The following GRAMD1A variants were observed in gnomAD, a reference collection of about 807,000 sequenced individuals.
GRAMD1A encodes GRAM domain containing 1A, also known as protein Aster-A.
Under a neutral mutation model 92.0 loss-of-function variants are expected in GRAMD1A, and 50 were observed. The observed-to-expected ratio is 0.54, with a 90% CI of 0.43 to 0.69. The LOEUF (loss-of-function observed/expected upper bound fraction) is 0.69, where lower values mean the gene tolerates loss of function less well. Among genes scored for constraint, GRAMD1A ranks in the 30% least tolerant of loss-of-function variants. The pLI is 0.00. For synonymous variants in GRAMD1A, 405 were observed against 403.6 expected (o/e 1.00, Z -0.04); for missense variants, 819 against 978.9 (o/e 0.84, Z 2.18).
chr19:35,023,583 G>A (rs747979434), intron 19 of GRAMD1A, 36 bp downstream of exon 19: 84 of 1,536,216 alleles, frequency 5.5e-5, no homozygotes, highest in East Asian at 9.3e-5. Flanking sequence ...TCGGGGCTGC[G>A]GGGCTGCAGG....
intron 13 of GRAMD1A, among the ~76,000 whole-genome samples, chr19:35,020,281 G>A (rs928819649): frequency 6.6e-6 from 1 of 152,192 alleles, no homozygotes; most frequent in Non-Finnish European, 1.5e-5. Flanking sequence ...GCTTACGCCT[G>A]TAATCCCAGC....
At position 35,025,080 on chromosome 19, in the gene GRAMD1A, C is replaced by T. The variant is rs142377338; in HGVS notation, c.2083-969C>T. ...CTGGGATTGCAGGTGTGATCCACCA[C>T]GCCTGGCCCTGAGTTAAATTTTTAT... On this transcript the variant is annotated intron_variant, in intron 19 of 19. Coordinates refer to ENST00000317991, the MANE Select transcript of GRAMD1A (RefSeq NM_020895.5). 956 of 152,258 alleles carry T rather than the reference C, an allele frequency of 6.3e-3. 6 individuals carry two copies. Among genetic ancestry groups the T allele is most frequent in the Non-Finnish European group, 8.6e-3 (582 of 68,050 alleles). The allele number at this position is 152,258 out of a possible 1,614,324, so 9.4% of individuals were successfully genotyped here. A position where few individuals can be genotyped will look rare whatever the true frequency, so the allele number is the denominator to read the frequency against.
chr19:35,024,649 T>A (rs2016310928), intron 19 of GRAMD1A, among the ~76,000 whole-genome samples: 1 of 151,428 alleles, frequency 6.6e-6, no homozygotes, highest in African/African-American at 2.5e-5. Flanking sequence ...GGCTCATCTT[T>A]AGGGGTCTCA....
At chr19:35,006,215 C>T (rs573884651) in intron 1 of GRAMD1A, among the ~76,000 whole-genome samples, 2 of 152,144 alleles carry the variant, frequency 1.3e-5, no homozygotes, top group East Asian at 1.9e-4. Context: ...CCAGCTACTG[C>T]GGAGGCTGAG....
intron 3 of GRAMD1A, chr19:35,009,663 G>T: frequency 3.1e-6 from 2 of 642,054 alleles, no homozygotes; most frequent in Admixed American, 5.2e-5. Context: ...ACCTTACAAG[G>T]CTGAAGGGAA....
intron 1 of GRAMD1A, among the ~76,000 whole-genome samples, chr19:35,002,005 T>G (rs1239426882): frequency 6.6e-6 from 1 of 152,172 alleles, no homozygotes; most frequent in Non-Finnish European, 1.5e-5. Context: ...TTAATTTGAT[T>G]CCATCTTTGT....
At chr19:35,025,954 C>T in intron 19 of GRAMD1A, 95 bp from the exon 20 acceptor site, 1 of 748,252 alleles carries the variant, frequency 1.3e-6, no homozygotes, top group South Asian at 1.4e-5. Context: ...GGCCTCTAGA[C>T]CGTCCTCAGT....
In GRAMD1A at chr19:35,004,270, G is replaced by A. The variant is rs151171745; in HGVS notation, c.8+3784G>A. Among the ~76,000 whole-genome samples, 35 of 152,128 alleles carry A rather than the reference G, an allele frequency of 2.3e-4. No individual in the cohort carries two copies. In the East Asian group the frequency reaches 6.8e-3, roughly 29 times the overall value. On this transcript the variant is annotated intron_variant, in intron 1 of 19. Transcript: ENST00000317991. ...ACTGTACTGCAGCCTGGGTGACAGA[G>A]TGTGACCGTGTCTCTAAAAAAAATT...
upstream of GRAMD1A, chr19:34,996,200 TCCAGTGATGGGGAGTCC>T: frequency 1.3e-6 from 2 of 1,535,478 alleles, no homozygotes; most frequent in South Asian, 2.4e-5. Context: ...CATAACGCCA[TCCAGTGATGGGGAGTCC>T]CCCGCCTGCA....
chr19:35,023,991 C>G (rs1456964000), intron 19 of GRAMD1A, among the ~76,000 whole-genome samples: 1 of 152,224 alleles, frequency 6.6e-6, no homozygotes, highest in Non-Finnish European at 1.5e-5. Context: ...TGTGGTCCCT[C>G]TACCCGCTAC....
chr19:35,009,152 C>G lies in GRAMD1A; in HGVS notation c.42C>G (p.Ser14Arg). 1 of 1,613,786 alleles carries G rather than the reference C, an allele frequency of 6.2e-7. No individual in the cohort carries two copies. Among genetic ancestry groups the G allele is most frequent in the South Asian group, 1.1e-5 (1 of 91,068 alleles). Residue 14 changes from serine to arginine, a missense_variant, in exon 2 of 20, where the codon AGC becomes AGG. Physicochemically the swap from Ser to Arg is moderately radical, Grantham distance 110 (BLOSUM62 -1). Around this residue, in one of 3 missense-constraint regions of GRAMD1A, gnomAD observed 98 missense variants for 84.0 expected, o/e 1.17. Coordinates refer to ENST00000317991, the MANE Select transcript of GRAMD1A (RefSeq NM_020895.5). Reference protein sequence around the residue: ...TTPHSGRSTPSSSPSLRKRLQ... With the variant: ...TTPHSGRSTPRSSPSLRKRLQ... ...CCCACTCTGGCCGGAGCACGCCAAG[C>G]AGCTCCCCATCGCTCCGGAAACGGC...
intron 6 of GRAMD1A, 132 bp from the exon 7 acceptor site, chr19:35,011,342 A>G: frequency 1.3e-6 from 1 of 774,528 alleles, no homozygotes; most frequent in Non-Finnish European, 2.3e-6. Context: ...TGTGGAACTA[A>G]TGCAGGGGTG....
At chr19:35,000,245 G>T (rs1600265061), upstream of GRAMD1A, 1 of 1,025,552 alleles carries the variant, frequency 9.8e-7, no homozygotes, top group Non-Finnish European at 1.2e-6. The surrounding 1 kb of genome is among the most constrained non-coding windows in gnomAD (Gnocchi z 4.9). Context: ...CCCGGGCTGG[G>T]GGCGGCGCCG....
Position 35,023,308 on chromosome 19 carries a change from C to T in GRAMD1A, c.1926C>T (p.Thr642=). The T allele has an allele frequency of 6.2e-7, 1 of 1,614,158 alleles. No homozygotes were observed. The highest frequency in any genetic ancestry group is 8.5e-7 in the Non-Finnish European group (1 of 1,179,978). ...GGTCCCTGGAAAGGACAGCCCACACCTTTGAGTCCTGGCACAGCCTGGCCC... is the reference window on the plus strand; with the variant it reads ...GGTCCCTGGAAAGGACAGCCCACACTTTTGAGTCCTGGCACAGCCTGGCCC... The part of the protein sequence containing the change: ...RLWSLERTAH[T]FESWHSLALA... Residue 642 remains threonine, a synonymous_variant, in exon 18 of 20, where the codon ACC becomes ACT. Coordinates refer to ENST00000317991, the MANE Select transcript of GRAMD1A (RefSeq NM_020895.5).
At chr19:35,019,673 C>T (rs1237835637) in intron 13 of GRAMD1A, 140 bp downstream of exon 13, 22 of 827,778 alleles carry the variant, frequency 2.7e-5, no homozygotes, top group African/African-American at 1.2e-4. Flanking sequence ...CCTTGTCCTC[C>T]GAATAGTGGA....
chr19:35,015,019 T>C (rs1348779498), intron 10 of GRAMD1A: 1 of 155,190 alleles, frequency 6.4e-6, no homozygotes, highest in East Asian at 1.9e-4. Context: ...AATTTAAAAA[T>C]TAGCCAGGCA....
chr19:35,004,723 A>G (rs1330495359), intron 1 of GRAMD1A, among the ~76,000 whole-genome samples: 2 of 152,132 alleles, frequency 1.3e-5, no homozygotes, highest in Non-Finnish European at 2.9e-5. Context: ...CAGGGTCAGC[A>G]GAGCGTCATG....
chr19:35,000,040 C>T, upstream of GRAMD1A: 2 of 985,062 alleles, frequency 2.0e-6, no homozygotes, highest in Non-Finnish European at 2.4e-6. The surrounding 1 kb of genome is among the most constrained non-coding windows in gnomAD (Gnocchi z 4.9). Flanking sequence ...TTGCTAGGGA[C>T]CCTTTTCTAG....
rs750426877 is a variant in GRAMD1A at position 35,021,455 on chromosome 19, G to A, written c.1476-47G>A. 4.3e-6 allele frequency: 6 copies of A among 1,399,248 alleles called. No homozygotes were observed. The highest frequency in any genetic ancestry group is 1.4e-5 in the African/African-American group (1 of 70,658). 86.7% of individuals were successfully genotyped at this position (1,399,248 alleles called of 1,614,324 possible). The stretch of plus-strand genomic sequence containing the variant: ...TCAGCTTGTGGGACGGGGCAGCCAG[G>A]GCTGGAGTCAGACCCTTACCTCCTT... On this transcript the variant is annotated intron_variant, in intron 13 of 19. Transcript: ENST00000317991. This position sits in a 1 kb window ranked among gnomAD's most constrained non-coding sequence, Gnocchi z 5.3.
Sources: allele counts gnomAD v4.1 joint callset (sites outside exome capture counted in the v4.1 genomes callset), GRCh38; gene constraint gnomAD v4.1.1; regional missense constraint gnomAD v4.1.1; non-coding constraint Gnocchi (gnomAD v3.1); transcripts MANE v1.5; gene names NCBI Gene and HGNC (gene_info 2026-07-23, HGNC 2026-07-21).